Variants in CHERP observed in about 807,000 individuals in gnomAD.
The protein encoded by CHERP is calcium homeostasis endoplasmic reticulum protein.
In CHERP, 8 loss-of-function variants were observed where a neutral mutation model predicts 113.8. The observed-to-expected ratio is 0.07, with a 90% confidence interval of 0.04 to 0.13. CHERP has a LOEUF of 0.13. CHERP is among the 10% of genes least tolerant of loss of function. CHERP has a pLI of 1.00. For missense variants in CHERP, 884 were observed against 1,298.2 expected (o/e 0.68, Z 4.90); for synonymous variants, 559 against 524.5 (o/e 1.07, Z -0.90).
chr19:16,535,262 C>A lies in CHERP; in HGVS notation c.384+190G>T, dbSNP rs1568263586. 6.6e-6 allele frequency among the ~76,000 whole-genome samples: 1 copy of A among 152,246 alleles called. No homozygotes were observed. The highest frequency in any genetic ancestry group is 2.4e-5 in the African/African-American group (1 of 41,470). ...GGTGCACGCACGTCCAGTGGCTTCA[C>A]TGAGATGAGAAGCAGCCTCTGTGTC... On this transcript the variant is annotated intron_variant, in intron 3 of 16. Transcript: ENST00000546361. This position sits in a 1 kb window ranked among gnomAD's most constrained non-coding sequence, Gnocchi z 4.3.
In CHERP at chr19:16,535,344, G is replaced by A; in HGVS notation, c.384+108C>T. ...CATGCACCGAGCCCTGGGTGGCAGG[G>A]GGGGCCCTGTCCTCACTGACACCTG... On this transcript the variant is annotated intron_variant, in intron 3 of 16. Coordinates refer to ENST00000546361, the MANE Select transcript of CHERP (RefSeq NM_006387.6). This position sits in a 1 kb window ranked among gnomAD's most constrained non-coding sequence, Gnocchi z 4.3. The A allele has an allele frequency of 8.2e-7, 1 of 1,221,112 alleles. No individual in the cohort carries two copies. The highest frequency in any genetic ancestry group is 1.1e-6 in the Non-Finnish European group (1 of 874,690). 75.6% of individuals were successfully genotyped at this position (1,221,112 alleles called of 1,614,324 possible).
Position 16,528,186 on chromosome 19 carries a change from G to C in CHERP, c.1199C>G (p.Pro400Arg), listed in dbSNP as rs1438059063. ...EYEAPGGVQD[P>R]AAAGPRGPGP... ...GGGGCCCCGGGGGCCGGCAGCTGCA[G>C]GATCCTGGACCCCTCCTGGAGCTTC... Residue 400 changes from proline to arginine, a missense_variant, in exon 9 of 17, where the codon CCT (proline) becomes CGT (arginine). Transcript: ENST00000546361. The C allele has an allele frequency of 1.2e-6, 2 of 1,613,028 alleles. No individual in the cohort carries two copies. The highest frequency in any genetic ancestry group is 3.3e-5 in the Admixed American group (2 of 59,892).
Position 16,539,377 on chromosome 19 carries a change from G to A in CHERP, c.199+2493C>T, listed in dbSNP as rs1033318305. Among the ~76,000 whole-genome samples the A allele has an allele frequency of 1.4e-4, 22 of 152,108 alleles. No individual in the cohort carries two copies. In the East Asian group the frequency reaches 4.2e-3, roughly 29 times the overall value. Reference sequence around the variant, plus strand: ...TTAGCCAGGATGGTCTCGATCTCCTGACCTCGTGATCCGCCCGCCTCGGCC... The same window carrying A: ...TTAGCCAGGATGGTCTCGATCTCCTAACCTCGTGATCCGCCCGCCTCGGCC... On this transcript the variant is annotated intron_variant, in intron 2 of 16. Coordinates refer to ENST00000546361, the MANE Select transcript of CHERP (RefSeq NM_006387.6).
chr19:16,533,180 C>T, intron 3 of CHERP, 32 bp from the exon 4 acceptor site: 1 of 1,561,928 alleles, frequency 6.4e-7, no homozygotes, highest in Non-Finnish European at 8.7e-7. Flanking sequence ...GTCGAGAACA[C>T]ATGAGGAGGG....
At chr19:16,542,192 C>T in intron 1 of CHERP, 149 bp from the exon 2 acceptor site, 1 of 1,081,778 alleles carries the variant, frequency 9.2e-7, no homozygotes, top group Non-Finnish European at 1.3e-6. Flanking sequence ...CGATAGGGGC[C>T]ACACGCTCGC....
intron 5 of CHERP, 141 bp from the exon 6 acceptor site, chr19:16,531,021 T>C: frequency 1.5e-6 from 2 of 1,366,980 alleles, no homozygotes; most frequent in Non-Finnish European, 2.0e-6. Flanking sequence ...ATGGCTGGGC[T>C]CCCACGAGAC....
At chr19:16,522,658 C>T (rs933145711) in intron 11 of CHERP, among the ~76,000 whole-genome samples, 10 of 152,164 alleles carry the variant, frequency 6.6e-5, no homozygotes, top group Non-Finnish European at 1.2e-4. Context: ...CAGGGCCACC[C>T]CCCTCCCTGT....
In CHERP at chr19:16,520,228, G is replaced by A. The variant is rs541441224; in HGVS notation, c.2383C>T (p.Arg795Trp). The change falls in exon 15 of 17, where the codon CGG becomes TGG. Residue 795 changes from arginine to tryptophan, a missense_variant. Physicochemically the swap from Arg to Trp is moderately radical, Grantham distance 101. Transcript: ENST00000546361. The surrounding 1 kb of genome is among the most constrained non-coding windows in gnomAD (Gnocchi z 4.0). ...TTGGACCGGGACCGCGACTGGGACC[G>A]GGAGCGGCTTCTGGAGGAGCGCGAC... ...SRSRSSRSRS[R>W]SQSRSRSKSY... The A allele has an allele frequency of 9.3e-6, 15 of 1,613,508 alleles. No homozygotes were observed. Among genetic ancestry groups the A allele is most frequent in the South Asian group, 4.4e-5 (4 of 91,070 alleles).
In CHERP at chr19:16,532,363, G is replaced by T. The variant is rs1475631983; in HGVS notation, c.674+235C>A. ...CAGCAATGTGACAGGTGAGGCCGGG[G>T]TCTAGGGGAGAGGACAGGGCATGCA... On this transcript the variant is annotated intron_variant, in intron 5 of 16. Coordinates refer to ENST00000546361, the MANE Select transcript of CHERP (RefSeq NM_006387.6). The surrounding 1 kb of genome is among the most constrained non-coding windows in gnomAD (Gnocchi z 4.4). The T allele has an allele frequency of 5.7e-6, 3 of 523,182 alleles. No individual in the cohort carries two copies. Among genetic ancestry groups the T allele is most frequent in the African/African-American group, 1.9e-5 (1 of 51,930 alleles). 32.4% of individuals were successfully genotyped at this position (523,182 alleles called of 1,614,324 possible).
At chr19:16,541,460 C>T (rs1318262198) in intron 2 of CHERP, 3 of 167,774 alleles carry the variant, frequency 1.8e-5, no homozygotes, top group Non-Finnish European at 3.8e-5. Flanking sequence ...CTGCTGCAGG[C>T]ATCTGAAATG....
chr19:16,523,419 T>C lies in CHERP; in HGVS notation c.1742-129A>G. On this transcript the variant is annotated intron_variant, in intron 10 of 16. Coordinates refer to ENST00000546361, the MANE Select transcript of CHERP (RefSeq NM_006387.6). This position sits in a 1 kb window ranked among gnomAD's most constrained non-coding sequence, Gnocchi z 4.0. The stretch of plus-strand genomic sequence containing the variant: ...TCCTGGGAGCCTGTCCAGCATCTTC[T>C]CTCACTGCTTAAGACCAGGCAGCAA... The C allele has an allele frequency of 9.3e-7, 1 of 1,069,994 alleles. No individual in the cohort carries two copies. The highest frequency in any genetic ancestry group is 1.4e-5 in the South Asian group (1 of 69,402). 66.3% of individuals were successfully genotyped at this position (1,069,994 alleles called of 1,614,324 possible). A position where few individuals can be genotyped will look rare whatever the true frequency, so the allele number is the denominator to read the frequency against.
chr19:16,524,749 A>T (rs1190234242), intron 10 of CHERP, among the ~76,000 whole-genome samples: 1 of 151,914 alleles, frequency 6.6e-6, no homozygotes, highest in Non-Finnish European at 1.5e-5. Flanking sequence ...AATTTTTTTA[A>T]AAAAGAAAAG....
chr19:16,521,402 G>T, intron 12 of CHERP, 119 bp downstream of exon 12: 1 of 873,146 alleles, frequency 1.1e-6, no homozygotes, highest in Non-Finnish European at 1.7e-6. Flanking sequence ...CAGGCGGGGG[G>T]AGGGCAGTTT....
rs755320780 is a variant in CHERP at position 16,529,693 on chromosome 19, G to A, written c.1084C>T (p.Pro362Ser). The change falls in exon 8 of 17, where the codon CCG becomes TCG. Residue 362 changes from proline (P) to serine (S), a missense_variant. Pro to Ser is a moderately conservative substitution (Grantham distance 74). This residue lies in a region of CHERP where 464 missense variants were observed against 590.1 expected (regional missense o/e 0.79). Coordinates refer to ENST00000546361, the MANE Select transcript of CHERP (RefSeq NM_006387.6). The part of the protein sequence containing the change: ...KATPPPPAPP[P>S]APAPAPAIPP... The stretch of plus-strand genomic sequence containing the variant: ...ATGGCAGGGGCAGGTGCTGGGGCCG[G>A]GGGTGGAGCAGGCGGTGGAGGCGTG... The A allele has an allele frequency of 8.2e-6, 13 of 1,577,916 alleles. No individual in the cohort carries two copies. Among genetic ancestry groups the A allele is most frequent in the Non-Finnish European group, 1.1e-5 (13 of 1,166,878 alleles).
rs551363196 is a variant in CHERP, at chr19:16,532,592, G to A, written c.674+6C>T. ...GGCGCTCTGGGCACGGGGTGGCGGC[G>A]CTCACCAGTGGTGCAGCACGTCATT... On this transcript the variant is annotated splice_donor_region_variant and intron_variant, in intron 5 of 16. Coordinates refer to ENST00000546361, the MANE Select transcript of CHERP (RefSeq NM_006387.6). This position sits in a 1 kb window ranked among gnomAD's most constrained non-coding sequence, Gnocchi z 4.4. 19 of 1,591,142 alleles carry A rather than the reference G, an allele frequency of 1.2e-5. No individual in the cohort carries two copies. Among genetic ancestry groups the A allele is most frequent in the African/African-American group, 5.3e-5 (4 of 74,768 alleles).
At chr19:16,524,022 C>T (rs972179188) in intron 10 of CHERP, among the ~76,000 whole-genome samples, 5 of 152,070 alleles carry the variant, frequency 3.3e-5, no homozygotes, top group African/African-American at 1.2e-4. Context: ...GAGGCCAAGG[C>T]GGGTAGATCA....
chr19:16,525,311 G>T lies in CHERP; in HGVS notation c.1672C>A (p.Pro558Thr). 6.9e-7 allele frequency: 1 copy of T among 1,455,960 alleles called. No individual in the cohort carries two copies. Among genetic ancestry groups the T allele is most frequent in the African/African-American group, 1.5e-5 (1 of 68,906 alleles). The allele number at this position is 1,455,960 out of a possible 1,614,324, so 90.2% of individuals were successfully genotyped here. Residue 558 changes from proline (P) to threonine (T), a missense_variant, in exon 10 of 17, where the codon CCA (proline) becomes ACA (threonine). Physicochemically the swap from Pro to Thr is conservative, Grantham distance 38. Coordinates refer to ENST00000546361, the MANE Select transcript of CHERP (RefSeq NM_006387.6). The surrounding 1 kb of genome is among the most constrained non-coding windows in gnomAD (Gnocchi z 6.5). ...GGCGGCCGCTCGAAGGGGTGCCGTG[G>T]CGGGAAGTCGTCCTGCATGAAGCGG... ...PPRFMQDDFP[P>T]RHPFERPPYP...
Position 16,532,872 on chromosome 19 carries a change from G to T in CHERP, c.523-123C>A. On this transcript the variant is annotated intron_variant, in intron 4 of 16. Transcript: ENST00000546361. The surrounding 1 kb of genome is among the most constrained non-coding windows in gnomAD (Gnocchi z 4.4). ...CACACCATGAGCGTGGGGGGCACAG[G>T]GTCCCACAGCCTCAGGAGCTCCAGG... The T allele has an allele frequency of 6.6e-7, 1 of 1,523,990 alleles. No homozygotes were observed. Among genetic ancestry groups the T allele is most frequent in the Non-Finnish European group, 8.9e-7 (1 of 1,128,936 alleles). The allele number at this position is 1,523,990 out of a possible 1,614,324, so 94.4% of individuals were successfully genotyped here.
At chr19:16,522,025 A>G (rs910062432) in intron 11 of CHERP, among the ~76,000 whole-genome samples, 1 of 152,096 alleles carries the variant, frequency 6.6e-6, no homozygotes, top group Non-Finnish European at 1.5e-5. Flanking sequence ...CGCTCAGAAC[A>G]GCCTCAGCCC....
Sources: gnomAD v4.1 joint callset for allele counts (sites outside exome capture counted in the v4.1 genomes callset) on GRCh38, gnomAD v4.1.1 for gene constraint, gnomAD v4.1.1 regional missense constraint, Gnocchi (gnomAD v3.1) non-coding constraint, MANE v1.5 for transcripts, NCBI Gene and HGNC (gene_info 2026-07-23, HGNC 2026-07-21) for gene names.